MEF2B: variants seen among roughly 807,000 people sequenced by gnomAD.
MEF2B encodes myocyte enhancer factor 2B.
In MEF2B, 15 loss-of-function variants were observed where a neutral mutation model predicts 32.2. The observed-to-expected ratio is 0.47, with a 90% confidence interval of 0.31 to 0.72. The LOEUF is 0.72. Ranked by LOEUF, MEF2B falls within the 30% of genes least tolerant of loss-of-function variation. MEF2B has a pLI of 0.05. For synonymous variants in MEF2B, 205 were observed against 225.6 expected (o/e 0.91, Z 0.82); for missense variants, 441 against 511.5 (o/e 0.86, Z 1.33).
chr19:19,164,630 A>T (rs2060192618), intron 1 of MEF2B, among the ~76,000 whole-genome samples: 2 of 152,224 alleles, frequency 1.3e-5, no homozygotes, highest in African/African-American at 4.8e-5. Flanking sequence ...CCTGGCCAAC[A>T]TAGTGAAACC....
intron 1 of MEF2B, 92 bp from the exon 2 acceptor site, chr19:19,150,856 A>G: frequency 6.9e-7 from 1 of 1,443,192 alleles, no homozygotes; most frequent in South Asian, 1.2e-5. Context: ...TGCCCCTGCC[A>G]GCCACTGAGA....
Position 19,149,390 on chromosome 19 carries a change from CCTT to C in MEF2B, c.91_93del (p.Lys31del). On this transcript the variant is annotated inframe_deletion, in exon 3 of 9. Transcript: ENST00000424583. The stretch of plus-strand genomic sequence containing the variant: ...TCACAGAGCACGCTCAGCTCATAGG[CCTT>C]CTTCATCAGCCCGAACTTCCGCTTG... 1 of 1,613,994 alleles carries C rather than the reference CCTT, an allele frequency of 6.2e-7. No individual in the cohort carries two copies. The highest frequency in any genetic ancestry group is 8.5e-7 in the Non-Finnish European group (1 of 1,180,022).
At chr19:19,148,189 C>A (rs557345732) in intron 3 of MEF2B, among the ~76,000 whole-genome samples, 16 of 152,242 alleles carry the variant, frequency 1.1e-4, no homozygotes, top group Non-Finnish European at 1.9e-4. Context: ...AGAGGCCGGG[C>A]GCGGTGGCTC....
In MEF2B at chr19:19,147,213, ACCCC is replaced by A. The variant is rs2060035208; in HGVS notation, c.394-34_394-31del. 1.3e-5 allele frequency: 18 copies of A among 1,394,428 alleles called. 2 individuals carry two copies. Among genetic ancestry groups the A allele is most frequent in the African/African-American group, 3.1e-5 (2 of 64,820 alleles). The allele number at this position is 1,394,428 out of a possible 1,614,324, so 86.4% of individuals were successfully genotyped here. ...GGGTAGAGAAGGGATGGGTCAGAGGACCCCAGGCCAGATGGGGGTGCCAAGTCCA... is the reference window on the plus strand; with the variant it reads ...GGGTAGAGAAGGGATGGGTCAGAGGAAGGCCAGATGGGGGTGCCAAGTCCA... On this transcript the variant is annotated intron_variant, in intron 4 of 8. Transcript: ENST00000424583.
At chr19:19,168,566 C>A (rs1427654429) in intron 1 of MEF2B, among the ~76,000 whole-genome samples, 2 of 151,434 alleles carry the variant, frequency 1.3e-5, no homozygotes, top group Non-Finnish European at 2.9e-5. Flanking sequence ...AGCCACCGCG[C>A]CTGGCCATTT....
Position 19,145,661 on chromosome 19 carries a change from C to T in MEF2B, c.*136G>A, listed in dbSNP as rs2060018319. 1.3e-6 allele frequency: 2 copies of T among 1,532,084 alleles called. No homozygotes were observed. 94.9% of individuals were successfully genotyped at this position (1,532,084 alleles called of 1,614,324 possible). On this transcript the variant is annotated 3_prime_UTR_variant, in exon 9 of 9. Coordinates refer to ENST00000424583, the MANE Select transcript of MEF2B (RefSeq NM_001145785.2). The surrounding 1 kb of genome is among the most constrained non-coding windows in gnomAD (Gnocchi z 4.6). ...CCCCAGGGTGGATTGAGTCCAGCCG[C>T]CCACCTCCAAGCCCCCACCGCGGAG...
Position 19,149,359 on chromosome 19 carries a change from T to G in MEF2B, c.125A>C (p.Glu42Ala). ...AYELSVLCDC[E>A]IALIIFNSAN... ...GCTGTTGAAGATGATGAGGGCTATC[T>G]CACAGTCACAGAGCACGCTCAGCTC... The change falls in exon 3 of 9, where the codon GAG becomes GCG. Residue 42 changes from glutamate to alanine, a missense_variant. Transcript: ENST00000424583. 1 of 1,613,882 alleles carries G rather than the reference T, an allele frequency of 6.2e-7. No individual in the cohort carries two copies. The highest frequency in any genetic ancestry group is 8.5e-7 in the Non-Finnish European group (1 of 1,179,996).
At chr19:19,159,657 G>A (rs189037738) in intron 1 of MEF2B, among the ~76,000 whole-genome samples, 1 of 152,202 alleles carries the variant, frequency 6.6e-6, no homozygotes, top group African/African-American at 2.4e-5. Flanking sequence ...GGGGGAATTG[G>A]GAGGACAAAA....
intron 1 of MEF2B, among the ~76,000 whole-genome samples, chr19:19,151,512 C>A (rs1040661664): frequency 3.3e-5 from 5 of 152,124 alleles, no homozygotes; most frequent in Non-Finnish European, 5.9e-5. Context: ...TGGGAACAAT[C>A]GAATCATGTG....
chr19:19,161,750 A>G (rs1162402891), intron 1 of MEF2B, among the ~76,000 whole-genome samples: 1 of 129,974 alleles, frequency 7.7e-6, no homozygotes, highest in Non-Finnish European at 1.6e-5. Context: ...CCCCCATTAC[A>G]TAGGTAGGGC....
At chr19:19,160,775 G>A (rs764295478) in intron 1 of MEF2B, among the ~76,000 whole-genome samples, 2 of 152,098 alleles carry the variant, frequency 1.3e-5, no homozygotes, top group Non-Finnish European at 2.9e-5. Flanking sequence ...CTCATTATGG[G>A]CGACAGGAAG....
At chr19:19,147,442 G>A (rs1368163034) in intron 4 of MEF2B, among the ~76,000 whole-genome samples, 2 of 68,826 alleles carry the variant, frequency 2.9e-5, no homozygotes, top group Non-Finnish European at 6.6e-5. Flanking sequence ...GCACTGAGGG[G>A]GCTGCACAGA....
intron 1 of MEF2B, among the ~76,000 whole-genome samples, chr19:19,168,440 A>C (rs999701050): frequency 9.2e-5 from 14 of 151,380 alleles, no homozygotes; most frequent in Admixed American, 7.2e-4. Context: ...TGGCCGGCTA[A>C]TTTTGTATTT....
intron 3 of MEF2B, 73 bp from the exon 4 acceptor site, chr19:19,147,905 G>A: frequency 6.5e-7 from 1 of 1,542,628 alleles, no homozygotes. Context: ...TATGGGAGAG[G>A]GGACAGACCA....
intron 2 of MEF2B, among the ~76,000 whole-genome samples, chr19:19,150,388 T>G (rs2060067702): frequency 6.6e-6 from 1 of 151,484 alleles, no homozygotes; most frequent in South Asian, 2.1e-4. Context: ...TTAGCTGGGC[T>G]TGGTGGTGCG....
At chr19:19,155,073 A>G (rs1363160956) in intron 1 of MEF2B, among the ~76,000 whole-genome samples, 1 of 152,182 alleles carries the variant, frequency 6.6e-6, no homozygotes, top group Admixed American at 6.5e-5. Flanking sequence ...AACCAAAGCC[A>G]TCCTCCACTC....
chr19:19,151,964 T>TTC (rs2060085497), intron 1 of MEF2B, among the ~76,000 whole-genome samples: 1 of 149,914 alleles, frequency 6.7e-6, no homozygotes, highest in Non-Finnish European at 1.5e-5. Context: ...CTCTATTTTT[T>TTC]TTTTTTTTTT....
intron 1 of MEF2B, among the ~76,000 whole-genome samples, chr19:19,166,418 G>A (rs1452105001): frequency 1.3e-5 from 2 of 152,056 alleles, no homozygotes; most frequent in African/African-American, 2.4e-5. Flanking sequence ...GGGCTGGGGC[G>A]AGTTCCCTGA....
At chr19:19,149,560 C>G in intron 2 of MEF2B, 131 bp from the exon 3 acceptor site, 1 of 1,271,336 alleles carries the variant, frequency 7.9e-7, no homozygotes, top group South Asian at 1.4e-5. Context: ...GCTGGTAATT[C>G]TCATGTCACA....
Sources: gnomAD v4.1 joint callset for allele counts (sites outside exome capture counted in the v4.1 genomes callset) on GRCh38, gnomAD v4.1.1 for gene constraint, Gnocchi (gnomAD v3.1) non-coding constraint, MANE v1.5 for transcripts, NCBI Gene and HGNC (gene_info 2026-07-23, HGNC 2026-07-21) for gene names.